Variants in SUPT3H observed in about 807,000 individuals in gnomAD.
The protein encoded by SUPT3H is SPT3 homolog, SAGA and STAGA complex component, also known as transcription initiation protein SPT3 homolog.
A neutral mutation model predicts 44.3 loss-of-function variants in SUPT3H; 44 were observed. The observed-to-expected ratio is 0.99, with a 90% CI of 0.78 to 1.28. The LOEUF (loss-of-function observed/expected upper bound fraction) is 1.28, where lower values mean the gene tolerates loss of function less well. SUPT3H is among the 50% of genes most tolerant of loss of function. The pLI, the probability that SUPT3H is intolerant of heterozygous loss-of-function variation, is 0.00. For missense variants in SUPT3H, 380 were observed against 387.1 expected (o/e 0.98, Z 0.15); for synonymous variants, 124 against 125.6 (o/e 0.99, Z 0.09).
rs1294139286 is a variant in SUPT3H, at chr6:45,089,324, T to C, written c.186+16598A>G. 4.6e-5 allele frequency among the ~76,000 whole-genome samples: 7 copies of C among 152,208 alleles called. No individual in the cohort carries two copies. The East Asian group carries it at 1.4e-3, about 29-fold the overall frequency. ...ACATTTCTTATTTCAATGATGTTCTTCCCTTTTACAATCAGGACTCAATTC... is the reference window on the plus strand; with the variant it reads ...ACATTTCTTATTTCAATGATGTTCTCCCCTTTTACAATCAGGACTCAATTC... On this transcript the variant is annotated intron_variant, in intron 3 of 10. Coordinates refer to ENST00000371459, the MANE Select transcript of SUPT3H (RefSeq NM_003599.4).
chr6:45,326,984 C>G (rs1786457504), intron 2 of SUPT3H, among the ~76,000 whole-genome samples: 1 of 151,790 alleles, frequency 6.6e-6, no homozygotes, highest in Non-Finnish European at 1.5e-5. Flanking sequence ...GTCTGTTCGC[C>G]TTTATAATTT....
chr6:45,084,761 C>T (rs1178251720), intron 3 of SUPT3H, among the ~76,000 whole-genome samples: 2 of 152,122 alleles, frequency 1.3e-5, no homozygotes, highest in Non-Finnish European at 2.9e-5. Context: ...TACATACACA[C>T]CACGAAATCC....
At chr6:45,280,218 T>C (rs958400920) in intron 2 of SUPT3H, among the ~76,000 whole-genome samples, 4 of 152,108 alleles carry the variant, frequency 2.6e-5, no homozygotes, top group African/African-American at 4.8e-5. Context: ...CTTTTAGGTA[T>C]AGGCCAGGTG....
rs76020375 is a variant in SUPT3H at position 45,086,339 on chromosome 6, C to T, written c.186+19583G>A. 2.6e-3 allele frequency among the ~76,000 whole-genome samples: 391 copies of T among 152,068 alleles called. 3 individuals carry two copies. The highest frequency in any genetic ancestry group is 8.6e-3 in the African/African-American group (357 of 41,522). ...TAATCGACACCTTTAAACCTTATTACTAGGAAATCTGGGGCATTAAAATCA... is the reference window on the plus strand; with the variant it reads ...TAATCGACACCTTTAAACCTTATTATTAGGAAATCTGGGGCATTAAAATCA... On this transcript the variant is annotated intron_variant, in intron 3 of 10. Transcript: ENST00000371459.
chr6:45,229,874 T>C (rs1474260490), intron 2 of SUPT3H, among the ~76,000 whole-genome samples: 1 of 152,140 alleles, frequency 6.6e-6, no homozygotes, highest in Non-Finnish European at 1.5e-5. Context: ...TATATAATAT[T>C]CTTACTAGTA....
Position 45,046,487 on chromosome 6 carries a change from C to T in SUPT3H, c.187-25855G>A, listed in dbSNP as rs78685212. Among the ~76,000 whole-genome samples, 609 of 152,220 alleles carry T rather than the reference C, an allele frequency of 4.0e-3. 7 individuals carry two copies. Among genetic ancestry groups the T allele is most frequent in the African/African-American group, 0.014 (566 of 41,544 alleles). On this transcript the variant is annotated intron_variant, in intron 3 of 10. Coordinates refer to ENST00000371459, the MANE Select transcript of SUPT3H (RefSeq NM_003599.4). ...CTGGGACCACAGCTGTACACCACCA[C>T]GCCAGGCTAATATTTGTATTTTTAG...
At chr6:45,100,485 T>G (rs909848767) in intron 3 of SUPT3H, among the ~76,000 whole-genome samples, 12 of 124,868 alleles carry the variant, frequency 9.6e-5, no homozygotes, top group Non-Finnish European at 1.9e-4. Flanking sequence ...AGGGGGGAAA[T>G]GGCTTGCACC....
chr6:45,180,774 A>T (rs912076920), intron 2 of SUPT3H, among the ~76,000 whole-genome samples: 9 of 152,080 alleles, frequency 5.9e-5, no homozygotes, highest in African/African-American at 2.2e-4. Context: ...CCTGGAAGAA[A>T]ACCTAGGCAA....
intron 10 of SUPT3H, among the ~76,000 whole-genome samples, chr6:44,851,606 C>T (rs866261724): frequency 6.6e-6 from 1 of 152,150 alleles, no homozygotes; most frequent in African/African-American, 2.4e-5. Context: ...AAATGATCCC[C>T]GGTTAGCCTT....
intron 3 of SUPT3H, among the ~76,000 whole-genome samples, chr6:45,039,882 C>T (rs1441633940): frequency 2.6e-5 from 4 of 151,810 alleles, no homozygotes; most frequent in African/African-American, 9.7e-5. Flanking sequence ...TAGGGTTTAT[C>T]TTTGCTATGC....
At position 45,260,037 on chromosome 6, in the gene SUPT3H, C is replaced by T. The variant is rs558328620; in HGVS notation, c.101+105164G>A. Reference sequence around the variant, plus strand: ...CTAATATGTTATTCCTAACAAAAAGCACTGTTCTTCATCGAAGTCTAAAAT... The same window carrying T: ...CTAATATGTTATTCCTAACAAAAAGTACTGTTCTTCATCGAAGTCTAAAAT... On this transcript the variant is annotated intron_variant, in intron 2 of 10. Transcript: ENST00000371459. Among the ~76,000 whole-genome samples, 96 of 152,234 alleles carry T rather than the reference C, an allele frequency of 6.3e-4. No homozygotes were observed. The Middle Eastern group carries it at 0.01, about 16-fold the overall frequency.
At chr6:45,314,963 G>C (rs113596669) in intron 2 of SUPT3H, among the ~76,000 whole-genome samples, 1 of 152,124 alleles carries the variant, frequency 6.6e-6, no homozygotes, top group Non-Finnish European at 1.5e-5. Flanking sequence ...GAACAGAATA[G>C]AGAACTCAGA....
intron 6 of SUPT3H, among the ~76,000 whole-genome samples, chr6:44,978,055 CG>C (rs1263579387): frequency 2.6e-5 from 4 of 151,940 alleles, no homozygotes; most frequent in Non-Finnish European, 5.9e-5. Context: ...TCATTTTACT[CG>C]GTGGTAGTAG....
intron 2 of SUPT3H, among the ~76,000 whole-genome samples, chr6:45,176,737 C>A (rs1421027296): frequency 6.6e-6 from 1 of 152,222 alleles, no homozygotes; most frequent in African/African-American, 2.4e-5. Flanking sequence ...TGAGAACAGG[C>A]AGACTGCCTC....
chr6:44,928,882 C>CAAAAAAAAAAAAA (rs35656937), intron 10 of SUPT3H, among the ~76,000 whole-genome samples: 8 of 20,630 alleles, frequency 3.9e-4, no homozygotes, highest in East Asian at 1.7e-3. Flanking sequence ...GACTCCGTCT[C>CAAAAAAAAAAAAA]AAAAAAAAAA....
chr6:44,951,094 C>T (rs188485430), intron 9 of SUPT3H, among the ~76,000 whole-genome samples: 273 of 151,826 alleles, frequency 1.8e-3, no homozygotes, highest in African/African-American at 6.4e-3. Context: ...TTTTAAACAG[C>T]GTTGGGTTTT....
chr6:45,355,067 T>C (rs539967962), intron 2 of SUPT3H, among the ~76,000 whole-genome samples: 25 of 151,922 alleles, frequency 1.6e-4, no homozygotes, highest in Admixed American at 3.3e-4. Context: ...CTCAACCACT[T>C]GGGCTTAAGC....
intron 2 of SUPT3H, among the ~76,000 whole-genome samples, chr6:45,245,015 C>A (rs1020457604): frequency 6.6e-6 from 1 of 152,092 alleles, no homozygotes; most frequent in East Asian, 1.9e-4. Context: ...AACTCTTCCA[C>A]AGTAAAACTA....
intron 9 of SUPT3H, among the ~76,000 whole-genome samples, chr6:44,950,798 C>CT (rs11413627): frequency 0.21 from 28,112 of 135,302 alleles, 3,403 homozygotes; most frequent in Non-Finnish European, 0.3. Flanking sequence ...CCATTTGGAT[C>CT]TTTTTTTTTT....
Sources: allele counts gnomAD v4.1 joint callset (sites outside exome capture counted in the v4.1 genomes callset), GRCh38; gene constraint gnomAD v4.1.1; transcripts MANE v1.5; gene names NCBI Gene and HGNC (gene_info 2026-07-23, HGNC 2026-07-21).